Variants in TMEM98 observed in about 807,000 individuals in gnomAD.
TMEM98 encodes transmembrane protein 98.
In TMEM98, 18 loss-of-function variants were observed where a neutral mutation model predicts 25.0. The observed-to-expected ratio is 0.72, with a 90% CI of 0.50 to 1.07. The LOEUF (loss-of-function observed/expected upper bound fraction) is 1.07, where lower values mean the gene tolerates loss of function less well. Among genes scored for constraint, TMEM98 ranks in the 50% least tolerant of loss-of-function variants. The pLI is 0.00. For synonymous variants in TMEM98, 103 were observed against 112.4 expected (o/e 0.92, Z 0.53); for missense variants, 241 against 289.0 (o/e 0.83, Z 1.20).
chr17:32,931,034 C>T (rs2091465596), intron 1 of TMEM98: 1 of 153,420 alleles, frequency 6.5e-6, no homozygotes, highest in Non-Finnish European at 1.4e-5. Flanking sequence ...GAAACCCCGT[C>T]TCTACTAAAA....
At position 32,941,131 on chromosome 17, in the gene TMEM98, G is replaced by A; in HGVS notation, c.*138G>A. On this transcript the variant is annotated 3_prime_UTR_variant, in exon 8 of 8. Coordinates refer to ENST00000579849, the MANE Select transcript of TMEM98 (RefSeq NM_015544.3). ...CAGCTGTGTGTGCATAGTAAAGCAGGAGATCCCCGTCAGTTTATGCCTCTT... is the reference window on the plus strand; with the variant it reads ...CAGCTGTGTGTGCATAGTAAAGCAGAAGATCCCCGTCAGTTTATGCCTCTT... The A allele has an allele frequency of 1.3e-6, 1 of 751,580 alleles. No individual in the cohort carries two copies. 46.6% of individuals were successfully genotyped at this position (751,580 alleles called of 1,614,324 possible). A position where few individuals can be genotyped will look rare whatever the true frequency, so the allele number is the denominator to read the frequency against.
rs2091528958 is a variant in TMEM98, at chr17:32,941,150, G to A, written c.*157G>A. On this transcript the variant is annotated 3_prime_UTR_variant, in exon 8 of 8. Coordinates refer to ENST00000579849, the MANE Select transcript of TMEM98 (RefSeq NM_015544.3). ...AAGCAGGAGATCCCCGTCAGTTTAT[G>A]CCTCTTTTGCAGTTGCAAACTGTGG... 4.5e-6 allele frequency: 3 copies of A among 660,396 alleles called. No homozygotes were observed. Among genetic ancestry groups the A allele is most frequent in the Non-Finnish European group, 7.5e-6 (3 of 400,244 alleles). 40.9% of individuals were successfully genotyped at this position (660,396 alleles called of 1,614,324 possible). A position where few individuals can be genotyped will look rare whatever the true frequency, so the allele number is the denominator to read the frequency against.
chr17:32,940,427 T>C (rs1031494290), intron 7 of TMEM98, among the ~76,000 whole-genome samples: 1 of 152,188 alleles, frequency 6.6e-6, no homozygotes, highest in Non-Finnish European at 1.5e-5. Context: ...GCTCATCTGA[T>C]TGACTATATC....
At chr17:32,933,042 C>A in intron 3 of TMEM98, 132 bp from the exon 4 acceptor site, 1 of 1,332,330 alleles carries the variant, frequency 7.5e-7, no homozygotes. Flanking sequence ...AGGTTTGGAT[C>A]CGGGACAAGT....
Position 32,942,982 on chromosome 17 carries a change from T to G in TMEM98, c.*1989T>G, listed in dbSNP as rs2091538305. 6.6e-6 allele frequency: 1 copy of G among 152,198 alleles called. No individual in the cohort carries two copies. Among genetic ancestry groups the G allele is most frequent in the South Asian group, 2.1e-4 (1 of 4,820 alleles). 9.4% of individuals were successfully genotyped at this position (152,198 alleles called of 1,614,324 possible). On this transcript the variant is annotated 3_prime_UTR_variant, in exon 8 of 8. Transcript: ENST00000579849. ...AGAGCCCTAAGCCACAGAGAAGCAG[T>G]TCTGAATTGGTATCTCAAATACCAT...
In TMEM98 at chr17:32,932,691, C is replaced by T. The variant is rs184479928; in HGVS notation, c.132-483C>T. 6.6e-5 allele frequency among the ~76,000 whole-genome samples: 10 copies of T among 152,190 alleles called. No individual in the cohort carries two copies. The East Asian group carries it at 1.9e-3, about 29-fold the overall frequency. On this transcript the variant is annotated intron_variant, in intron 3 of 7. Coordinates refer to ENST00000579849, the MANE Select transcript of TMEM98 (RefSeq NM_015544.3). ...GGTGTTTTTACTTCTTTCACTTTTC[C>T]AGTGTAACTAGGAAAAGGCAGGGAT...
intron 1 of TMEM98, among the ~76,000 whole-genome samples, chr17:32,930,411 A>G (rs944554431): frequency 4.6e-5 from 7 of 152,252 alleles, no homozygotes; most frequent in Admixed American, 3.3e-4. Context: ...ATACAAATGC[A>G]CGGACTTCTT....
At chr17:32,933,795 C>T (rs1326748253) in intron 4 of TMEM98, among the ~76,000 whole-genome samples, 2 of 152,152 alleles carry the variant, frequency 1.3e-5, no homozygotes, top group Non-Finnish European at 1.5e-5. Flanking sequence ...GTTGAAAAGA[C>T]AGTTATAGTC....
At chr17:32,936,276 C>T (rs1181187642) in intron 5 of TMEM98, 56 bp from the exon 6 acceptor site, 13 of 1,429,608 alleles carry the variant, frequency 9.1e-6, no homozygotes, top group South Asian at 4.9e-5. Context: ...GTGGGGGTGG[C>T]GAGGCCCTGA....
At position 32,940,782 on chromosome 17, in the gene TMEM98, C is replaced by G. The variant is rs1416297849; in HGVS notation, c.474-4C>G. The G allele has an allele frequency of 3.7e-6, 6 of 1,607,020 alleles. No homozygotes were observed. The highest frequency in any genetic ancestry group is 1.7e-4 in the Middle Eastern group (1 of 6,026). On this transcript the variant is annotated splice_polypyrimidine_tract_variant and splice_region_variant and intron_variant, in intron 7 of 7. Transcript: ENST00000579849. Reference sequence around the variant, plus strand: ...ACCTGACCCTATTTTCTTTTTTTCCCTAGGACGACTGCCCTGCTCCTGTCT... The same window carrying G: ...ACCTGACCCTATTTTCTTTTTTTCCGTAGGACGACTGCCCTGCTCCTGTCT...
chr17:32,943,161 C>G lies in TMEM98; in HGVS notation c.*2168C>G, dbSNP rs950305484. The G allele has an allele frequency of 1.3e-5, 2 of 152,230 alleles. No homozygotes were observed. The highest frequency in any genetic ancestry group is 2.9e-5 in the Non-Finnish European group (2 of 68,124). The allele number at this position is 152,230 out of a possible 1,614,324, so 9.4% of individuals were successfully genotyped here. A position where few individuals can be genotyped will look rare whatever the true frequency, so the allele number is the denominator to read the frequency against. On this transcript the variant is annotated 3_prime_UTR_variant, in exon 8 of 8. Coordinates refer to ENST00000579849, the MANE Select transcript of TMEM98 (RefSeq NM_015544.3). ...CCTTTCTGTTGTGAGGAGAGGTTGC[C>G]GAAGATATTGGAGGTGTCTGCTGGA...
In TMEM98 at chr17:32,940,956, G is replaced by T; in HGVS notation, c.644G>T (p.Gly215Val). ...LASEPDKGLPGPEGFLQEQSA... is the reference protein window; with the variant it reads ...LASEPDKGLPVPEGFLQEQSA... ...TCTGAGCCAGATAAAGGCCTCCCAGGCCCTGAAGGCTTCCTGCAGGAGCAG... is the reference window on the plus strand; with the variant it reads ...TCTGAGCCAGATAAAGGCCTCCCAGTCCCTGAAGGCTTCCTGCAGGAGCAG... The change falls in exon 8 of 8, where the codon GGC becomes GTC. Residue 215 changes from glycine (G) to valine (V), a missense_variant. Gly to Val is a moderately radical substitution (Grantham distance 109). Coordinates refer to ENST00000579849, the MANE Select transcript of TMEM98 (RefSeq NM_015544.3). 1 of 1,613,208 alleles carries T rather than the reference G, an allele frequency of 6.2e-7. No homozygotes were observed. Among genetic ancestry groups the T allele is most frequent in the East Asian group, 2.2e-5 (1 of 44,874 alleles).
At chr17:32,930,919 A>T (rs952356695) in intron 1 of TMEM98, 4 of 152,182 alleles carry the variant, frequency 2.6e-5, no homozygotes, top group African/African-American at 9.7e-5. Context: ...AGCTATTTTA[A>T]GGCCGGGCTC....
rs1330526757 is a variant in TMEM98, at chr17:32,942,025, G to T, written c.*1032G>T. 2.6e-5 allele frequency: 4 copies of T among 152,180 alleles called. No homozygotes were observed. Among genetic ancestry groups the T allele is most frequent in the African/African-American group, 9.7e-5 (4 of 41,432 alleles). 9.4% of individuals were successfully genotyped at this position (152,180 alleles called of 1,614,324 possible). A position where few individuals can be genotyped will look rare whatever the true frequency, so the allele number is the denominator to read the frequency against. ...CCACTGCATTCCAGCCTGGGCGACAGAGTGAGACCATGTCTCCAAAACATA... is the reference window on the plus strand; with the variant it reads ...CCACTGCATTCCAGCCTGGGCGACATAGTGAGACCATGTCTCCAAAACATA... On this transcript the variant is annotated 3_prime_UTR_variant, in exon 8 of 8. Coordinates refer to ENST00000579849, the MANE Select transcript of TMEM98 (RefSeq NM_015544.3).
chr17:32,939,582 C>G (rs1312660402), intron 7 of TMEM98, 46 bp downstream of exon 7: 4 of 1,609,124 alleles, frequency 2.5e-6, no homozygotes, highest in Non-Finnish European at 3.4e-6. Context: ...TGCAGAGGTC[C>G]ACAACCGTTT....
chr17:32,933,103 G>A lies in TMEM98; in HGVS notation c.132-71G>A, dbSNP rs1190242388. The A allele has an allele frequency of 3.2e-6, 5 of 1,587,084 alleles. No homozygotes were observed. In the African/African-American group the frequency reaches 5.4e-5, roughly 17 times the overall value. ...CCTTACTTCTTTTATGGTGTATGTG[G>A]GCCTCAGTGAGGAGAGGATCAGCAG... On this transcript the variant is annotated intron_variant, in intron 3 of 7. Coordinates refer to ENST00000579849, the MANE Select transcript of TMEM98 (RefSeq NM_015544.3).
chr17:32,943,017 G>A lies in TMEM98; in HGVS notation c.*2024G>A, dbSNP rs1029679213. On this transcript the variant is annotated 3_prime_UTR_variant, in exon 8 of 8. Coordinates refer to ENST00000579849, the MANE Select transcript of TMEM98 (RefSeq NM_015544.3). ...GTATCTCAAATACCATCCACCTGGT[G>A]TGGGTCTGCAGGGTGGAGAGCTTTC... 6.6e-6 allele frequency: 1 copy of A among 152,250 alleles called. No homozygotes were observed. Among genetic ancestry groups the A allele is most frequent in the Non-Finnish European group, 1.5e-5 (1 of 68,086 alleles). The allele number at this position is 152,250 out of a possible 1,614,324, so 9.4% of individuals were successfully genotyped here.
At chr17:32,931,769 A>G (rs2091471118) in intron 3 of TMEM98, 110 bp downstream of exon 3, 6 of 1,398,042 alleles carry the variant, frequency 4.3e-6, no homozygotes, top group Non-Finnish European at 5.7e-6. Context: ...TTGGTTCTAA[A>G]ATGGTACCTG....
At chr17:32,934,409 A>G in intron 5 of TMEM98, 85 bp downstream of exon 5, 1 of 1,507,834 alleles carries the variant, frequency 6.6e-7, no homozygotes, top group Admixed American at 1.7e-5. Context: ...GACCTTAGAA[A>G]GGGCACTGAC....
Sources: gnomAD v4.1 joint callset for allele counts (sites outside exome capture counted in the v4.1 genomes callset) on GRCh38, gnomAD v4.1.1 for gene constraint, MANE v1.5 for transcripts, NCBI Gene and HGNC (gene_info 2026-07-23, HGNC 2026-07-21) for gene names.